The following HLCS variants were observed in gnomAD, a reference collection of about 807,000 sequenced individuals.
HLCS encodes holocarboxylase synthetase, also known as biotin--protein ligase.
In HLCS, 53 loss-of-function variants were observed where a neutral mutation model predicts 75.0. The observed-to-expected ratio is 0.71, with a 90% CI of 0.57 to 0.89. The LOEUF is 0.89. Among genes scored for constraint, HLCS ranks in the 40% least tolerant of loss-of-function variants. The pLI is 0.00. For missense variants in HLCS, 966 were observed against 1,074.0 expected, an observed-to-expected ratio of 0.90 and a Z score of 1.41; for synonymous variants, 431 against 428.6, an observed-to-expected ratio of 1.01 and a Z score of -0.07.
At chr21:36,903,215 C>G (rs2146361619) in intron 5 of HLCS, among the ~76,000 whole-genome samples, 1 of 152,254 alleles carries the variant, frequency 6.6e-6, no homozygotes, top group Admixed American at 6.5e-5. Flanking sequence ...AGATATATTT[C>G]AAATGGATTA....
At chr21:36,941,405 C>T (rs569106700) in intron 2 of HLCS, among the ~76,000 whole-genome samples, 1 of 152,318 alleles carries the variant, frequency 6.6e-6, no homozygotes, top group South Asian at 2.1e-4. Context: ...TTGGGCAGTT[C>T]TTTCTAGCAG....
chr21:36,808,106 G>C (rs1271364555), intron 6 of HLCS, among the ~76,000 whole-genome samples: 2 of 150,684 alleles, frequency 1.3e-5, no homozygotes, highest in Middle Eastern at 3.5e-3. Flanking sequence ...TTTACCAAAA[G>C]ACATTTTGGT....
intron 6 of HLCS, among the ~76,000 whole-genome samples, chr21:36,854,964 T>C (rs1177114337): frequency 1.3e-5 from 2 of 151,930 alleles, no homozygotes; most frequent in East Asian, 3.9e-4. Context: ...CAAGGGGGAG[T>C]TGGGTAAAGT....
At chr21:36,955,253 T>G (rs1175866543) in intron 2 of HLCS, among the ~76,000 whole-genome samples, 1 of 152,112 alleles carries the variant, frequency 6.6e-6, no homozygotes, top group Non-Finnish European at 1.5e-5. Context: ...CAGCCTAGAC[T>G]AATGTGTGTG....
At chr21:36,830,687 A>C (rs373451864) in intron 6 of HLCS, among the ~76,000 whole-genome samples, 1 of 151,986 alleles carries the variant, frequency 6.6e-6, no homozygotes, top group Admixed American at 6.6e-5. Context: ...AAAAAAGTTT[A>C]AAAAATTAGC....
intron 6 of HLCS, among the ~76,000 whole-genome samples, chr21:36,886,927 G>A (rs767249648): frequency 6.6e-6 from 1 of 152,118 alleles, no homozygotes; most frequent in Non-Finnish European, 1.5e-5. Context: ...AGGGGTTCGA[G>A]ACCAGACTGG....
intron 5 of HLCS, among the ~76,000 whole-genome samples, chr21:36,916,652 A>G (rs2065947172): frequency 6.6e-6 from 1 of 151,126 alleles, no homozygotes; most frequent in South Asian, 2.1e-4. Flanking sequence ...GATTACGGGC[A>G]TGAGCCGCTG....
At chr21:36,860,754 C>T (rs1227240560) in intron 6 of HLCS, among the ~76,000 whole-genome samples, 1 of 152,212 alleles carries the variant, frequency 6.6e-6, no homozygotes, top group Non-Finnish European at 1.5e-5. Context: ...ATGATAGATG[C>T]TGTGTATGAA....
At chr21:36,922,509 C>T (rs1457304866) in intron 5 of HLCS, among the ~76,000 whole-genome samples, 1 of 152,226 alleles carries the variant, frequency 6.6e-6, no homozygotes, top group East Asian at 1.9e-4. Context: ...CAGCCATACA[C>T]AGGCAGCTAC....
At chr21:36,756,878 T>A (rs1568962107) in intron 9 of HLCS, 123 bp from the exon 10 acceptor site, 27 of 1,561,044 alleles carry the variant, frequency 1.7e-5, no homozygotes, top group Non-Finnish European at 1.1e-5. Context: ...TCATTTCAGA[T>A]TTCGTGTCTC....
chr21:36,865,096 A>C lies in HLCS; in HGVS notation c.1892+31764T>G, dbSNP rs374919731. On this transcript the variant is annotated intron_variant, in intron 6 of 10. Coordinates refer to ENST00000674895, the MANE Select transcript of HLCS (RefSeq NM_001352514.2). ...AGATTATGGATGGGTGAGAAAAGTC[A>C]GTTGTGGGGCGGGGCAGGGTGGGGT... is the stretch of plus-strand genomic sequence containing the variant. Among the ~76,000 whole-genome samples, 47 of 139,694 alleles carry C rather than the reference A, an allele frequency of 3.4e-4. 1 individual carries two copies. The highest frequency in any genetic ancestry group is 9.9e-4 in the Admixed American group (14 of 14,180). 91.6% of individuals were successfully genotyped at this position (139,694 alleles called of 152,430 possible).
chr21:36,937,549 G>C (rs530988071), intron 3 of HLCS, among the ~76,000 whole-genome samples, 157 bp from the exon 4 acceptor site: 1 of 152,050 alleles, frequency 6.6e-6, no homozygotes, highest in South Asian at 2.1e-4. Context: ...CCCTCAACTC[G>C]GGGGCATCCT....
chr21:36,783,335 G>C (rs1346293761), intron 6 of HLCS, among the ~76,000 whole-genome samples: 1 of 152,156 alleles, frequency 6.6e-6, no homozygotes, highest in Non-Finnish European at 1.5e-5. Flanking sequence ...AAAGACTGGG[G>C]TTCTAAAACC....
intron 5 of HLCS, among the ~76,000 whole-genome samples, chr21:36,918,365 C>T (rs1424933882): frequency 1.3e-5 from 2 of 152,190 alleles, no homozygotes; most frequent in African/African-American, 4.8e-5. Context: ...GAGGAATGAT[C>T]AGAGGCTGAC....
At position 36,756,558 on chromosome 21, in the gene HLCS, G is replaced by A. The variant is rs146448211; in HGVS notation, c.2434C>T (p.Arg812Ter). Residue 812 changes from arginine to a stop codon, truncating the protein, a stop_gained, in exon 10 of 11, where the codon CGA (arginine) becomes TGA (stop). Coordinates refer to ENST00000674895, the MANE Select transcript of HLCS (RefSeq NM_001352514.2). LOFTEE classifies it high-confidence loss of function. Reference sequence around the variant, plus strand: ...AGCACTGACCTGTGGACCCAGTATCGGTAATAAAGGGGAAGGACGCTGTTG... The same window carrying A: ...AGCACTGACCTGTGGACCCAGTATCAGTAATAAAGGGGAAGGACGCTGTTG... ...GPNSVLPLYY[R>*]YWVHSGQQVH... The A allele has an allele frequency of 2.9e-5, 47 of 1,610,630 alleles. No individual in the cohort carries two copies. The highest frequency in any genetic ancestry group is 4.5e-5 in the East Asian group (2 of 44,732).
chr21:36,922,658 T>C (rs1226843954), intron 5 of HLCS, among the ~76,000 whole-genome samples: 1 of 152,016 alleles, frequency 6.6e-6, no homozygotes, highest in African/African-American at 2.4e-5. Flanking sequence ...GCCCGCAAAA[T>C]CCTCCTGGTG....
Position 36,937,118 on chromosome 21 carries a change from A to G in HLCS, c.768T>C (p.Cys256=), listed in dbSNP as rs772267033. The G allele has an allele frequency of 6.2e-7, 1 of 1,614,122 alleles. No homozygotes were observed. The highest frequency in any genetic ancestry group is 1.6e-4 in the Middle Eastern group (1 of 6,062). The change falls in exon 4 of 11, where the codon TGT becomes TGC. Residue 256 remains cysteine, a synonymous_variant. Coordinates refer to ENST00000674895, the MANE Select transcript of HLCS (RefSeq NM_001352514.2). Reference sequence around the variant, plus strand: ...CAATGGTGCTGTTCTCAAGTTCCAGACACTCGTGGCAACTAGACAGATGGA... The same window carrying G: ...CAATGGTGCTGTTCTCAAGTTCCAGGCACTCGTGGCAACTAGACAGATGGA... ...YHLHLSSCHE[C]LELENSTIES... is the part of the protein sequence containing the mutation.
chr21:36,870,010 C>A lies in HLCS; in HGVS notation c.1892+26850G>T, dbSNP rs1378115140. Among the ~76,000 whole-genome samples, 4 of 152,154 alleles carry A rather than the reference C, an allele frequency of 2.6e-5. No homozygotes were observed. The East Asian group carries it at 5.8e-4, about 22-fold the overall frequency. On this transcript the variant is annotated intron_variant, in intron 6 of 10. Transcript: ENST00000674895. The stretch of plus-strand genomic sequence containing the variant: ...AAACCCGTGAACCCTAGTTATAGCA[C>A]CTTTGAATTGCAAAGAATCTGAGAA...
At chr21:36,918,869 A>G (rs2066042342) in intron 5 of HLCS, among the ~76,000 whole-genome samples, 1 of 152,246 alleles carries the variant, frequency 6.6e-6, no homozygotes, top group South Asian at 2.1e-4. Context: ...TTGTTTTGCA[A>G]CAGGACCAAC....
Sources: gnomAD v4.1 joint callset for allele counts (sites outside exome capture counted in the v4.1 genomes callset) on GRCh38, gnomAD v4.1.1 for gene constraint, MANE v1.5 for transcripts, NCBI Gene and HGNC (gene_info 2026-07-23, HGNC 2026-07-21) for gene names.